Variants in SLC22A9 observed in about 807,000 individuals in gnomAD.
SLC22A9 encodes the protein solute carrier family 22 member 9, also known as organic anion transporter 7.
A neutral mutation model predicts 50.1 loss-of-function variants in SLC22A9; 64 were observed. That is an observed-to-expected ratio of 1.28 (90% CI 1.04 to 1.57). SLC22A9 has a LOEUF of 1.57. Among genes scored for constraint, SLC22A9 ranks in the 40% most tolerant of loss-of-function variants. The probability of loss-of-function intolerance (pLI) is 0.00; values close to 1 mark genes in which losing one functional copy is unlikely to be tolerated. For missense variants in SLC22A9, 757 were observed against 676.1 expected (o/e 1.12, Z -1.33); for synonymous variants, 261 against 242.5 (o/e 1.08, Z -0.71).
intron 6 of SLC22A9, among the ~76,000 whole-genome samples, chr11:63,390,710 T>G (rs2014749057): frequency 6.6e-6 from 1 of 152,130 alleles, no homozygotes; most frequent in Non-Finnish European, 1.5e-5. Context: ...TTAAAGTAGT[T>G]TTTTCTAATT....
chr11:63,382,451 G>A (rs1311735124), intron 6 of SLC22A9, among the ~76,000 whole-genome samples, 174 bp downstream of exon 6: 1 of 152,152 alleles, frequency 6.6e-6, no homozygotes, highest in Non-Finnish European at 1.5e-5. Context: ...AGACTGACAC[G>A]GAATTAATTT....
rs764130791 is a variant in SLC22A9, at chr11:63,371,091, TGA to T, written c.403-42_403-41del. On this transcript the variant is annotated intron_variant, in intron 1 of 9. Transcript: ENST00000279178. Reference sequence around the variant, plus strand: ...CTAAGAAGTTTTGATCAAGTTACACTGAGGGGTAATAAGCATTGATGTGCTGG... The same window carrying T: ...CTAAGAAGTTTTGATCAAGTTACACTGGGGTAATAAGCATTGATGTGCTGG... 4 of 1,418,416 alleles carry T rather than the reference TGA, an allele frequency of 2.8e-6. No individual in the cohort carries two copies. The South Asian group carries it at 4.7e-5, about 17-fold the overall frequency. 87.9% of individuals were successfully genotyped at this position (1,418,416 alleles called of 1,614,324 possible).
At chr11:63,390,156 A>T (rs971624435) in intron 6 of SLC22A9, among the ~76,000 whole-genome samples, 1 of 151,940 alleles carries the variant, frequency 6.6e-6, no homozygotes, top group Non-Finnish European at 1.5e-5. Flanking sequence ...GTTTCTTTTG[A>T]TGTGCAGAAG....
At chr11:63,400,917 A>G (rs1423479572) in intron 6 of SLC22A9, among the ~76,000 whole-genome samples, 1 of 152,170 alleles carries the variant, frequency 6.6e-6, no homozygotes, top group Admixed American at 6.6e-5. Flanking sequence ...AATCATTTCA[A>G]CAGACGCCAA....
chr11:63,389,022 C>T (rs1396486281), intron 6 of SLC22A9, among the ~76,000 whole-genome samples: 1 of 152,044 alleles, frequency 6.6e-6, no homozygotes, highest in East Asian at 1.9e-4. Flanking sequence ...GTTACAATGT[C>T]TCCTTTTTAA....
chr11:63,409,656 A>T, intron 9 of SLC22A9, 146 bp from the exon 10 acceptor site: 1 of 730,682 alleles, frequency 1.4e-6, no homozygotes, highest in Non-Finnish European at 2.2e-6. Context: ...CACAAGGTTT[A>T]CTCAATCCCT....
chr11:63,376,192 T>A (rs1418700830), intron 5 of SLC22A9, among the ~76,000 whole-genome samples: 1 of 152,140 alleles, frequency 6.6e-6, no homozygotes, highest in East Asian at 1.9e-4. Flanking sequence ...GTTCATTCAA[T>A]CATACATTCT....
At chr11:63,382,698 G>A (rs2014587504) in intron 6 of SLC22A9, among the ~76,000 whole-genome samples, 1 of 152,028 alleles carries the variant, frequency 6.6e-6, no homozygotes, top group African/African-American at 2.4e-5. Context: ...AAAATACTAG[G>A]ACATGATCGC....
At chr11:63,389,916 A>T (rs143594051) in intron 6 of SLC22A9, among the ~76,000 whole-genome samples, 2 of 152,142 alleles carry the variant, frequency 1.3e-5, no homozygotes, top group Non-Finnish European at 2.9e-5. Context: ...TTTGATTTAC[A>T]TTTGTCTAAT....
intron 5 of SLC22A9, 49 bp downstream of exon 5, chr11:63,375,817 T>A (rs1485896918): frequency 7.5e-6 from 12 of 1,597,652 alleles, no homozygotes; most frequent in Non-Finnish European, 9.4e-6. Context: ...ACATAACTTG[T>A]CATCAATACT....
Position 63,374,029 on chromosome 11 carries a change from C to A in SLC22A9, c.797C>A (p.Ser266Tyr), listed in dbSNP as rs1355390109. The A allele has an allele frequency of 1.9e-6, 3 of 1,612,016 alleles. No homozygotes were observed. In the South Asian group the frequency reaches 3.3e-5, roughly 18 times the overall value. ...TGGCATATCCTCCAGCTGGTGGTGTCTGTACCATACTTTGTGATCTTTCTG... is the reference window on the plus strand; with the variant it reads ...TGGCATATCCTCCAGCTGGTGGTGTATGTACCATACTTTGTGATCTTTCTG... ...RDWHILQLVV[S>Y]VPYFVIFLTS... is the part of the protein sequence containing the mutation. The change falls in exon 4 of 10, where the codon TCT becomes TAT. Residue 266 changes from serine (S) to tyrosine (Y), a missense_variant. Transcript: ENST00000279178.
At position 63,370,142 on chromosome 11, in the gene SLC22A9, T is replaced by C. The variant is rs1220456350; in HGVS notation, c.86T>C (p.Val29Ala). 1 of 1,614,090 alleles carries C rather than the reference T, an allele frequency of 6.2e-7. No individual in the cohort carries two copies. Among genetic ancestry groups the C allele is most frequent in the Admixed American group, 1.7e-5 (1 of 60,014 alleles). Residue 29 changes from valine to alanine, a missense_variant, in exon 1 of 10, where the codon GTT (valine) becomes GCT (alanine). Coordinates refer to ENST00000279178, the MANE Select transcript of SLC22A9 (RefSeq NM_080866.3). The part of the protein sequence containing the change: ...LQTVFLSIFA[V>A]ATYLHFMLEN... ...ACTGTTTTTCTCTCAATCTTTGCTG[T>C]TGCTACATACCTTCATTTTATGCTG...
intron 9 of SLC22A9, 37 bp downstream of exon 9, chr11:63,408,916 T>C: frequency 6.2e-7 from 1 of 1,606,410 alleles, no homozygotes; most frequent in Non-Finnish European, 8.5e-7. Context: ...AGAGGATCTG[T>C]GTGCTATAGG....
intron 6 of SLC22A9, among the ~76,000 whole-genome samples, chr11:63,390,025 T>A (rs1048764604): frequency 6.6e-6 from 1 of 152,118 alleles, no homozygotes; most frequent in Non-Finnish European, 1.5e-5. Context: ...TTTGATGGGG[T>A]TGTTTTTTCT....
chr11:63,402,875 A>G (rs2120005883), intron 6 of SLC22A9, among the ~76,000 whole-genome samples: 1 of 152,184 alleles, frequency 6.6e-6, no homozygotes, highest in East Asian at 1.9e-4. Flanking sequence ...ATAAACACTA[A>G]CATTTTTAGA....
intron 6 of SLC22A9, among the ~76,000 whole-genome samples, chr11:63,385,633 A>C (rs1326045311): frequency 6.6e-6 from 1 of 152,048 alleles, no homozygotes; most frequent in Non-Finnish European, 1.5e-5. Flanking sequence ...TGATTTCTGC[A>C]TATTGATTTT....
chr11:63,404,926 G>A (rs536320734), intron 6 of SLC22A9, among the ~76,000 whole-genome samples: 1 of 152,182 alleles, frequency 6.6e-6, no homozygotes, highest in Non-Finnish European at 1.5e-5. Context: ...ACAAGAAGAA[G>A]CAAATTCAAA....
rs1200374097 is a variant in SLC22A9 at position 63,370,474 on chromosome 11, C to T, written c.402+16C>T. The T allele has an allele frequency of 6.4e-7, 1 of 1,553,696 alleles. No individual in the cohort carries two copies. The highest frequency in any genetic ancestry group is 8.7e-7 in the Non-Finnish European group (1 of 1,152,876). ...CGTGACTGAGGTAAGAGGCTCTGTT[C>T]TCGTCTCATGAGTATGTGACCTGGG... On this transcript the variant is annotated intron_variant, in intron 1 of 9. Coordinates refer to ENST00000279178, the MANE Select transcript of SLC22A9 (RefSeq NM_080866.3).
rs139829334 is a variant in SLC22A9, at chr11:63,373,899, G to A, written c.667G>A (p.Glu223Lys). 26 of 1,612,734 alleles carry A rather than the reference G, an allele frequency of 1.6e-5. No individual in the cohort carries two copies. The highest frequency in any genetic ancestry group is 1.6e-4 in the Middle Eastern group (1 of 6,070). ...TTATCTGTTTTTTCTTCCAGTAGCC[G>A]AGTGGGCAACACACAGATTCCAGGC... ...LITNTIMLIA[E>K]WATHRFQAMG... The change falls in exon 4 of 10, where the codon GAG (glutamate) becomes AAG (lysine). Residue 223 changes from glutamate (E) to lysine (K), a missense_variant. By Grantham distance (56) the Glu-to-Lys change is moderately conservative (BLOSUM62 1). Transcript: ENST00000279178.
Sources: gnomAD v4.1 joint callset for allele counts (sites outside exome capture counted in the v4.1 genomes callset) on GRCh38, gnomAD v4.1.1 for gene constraint, MANE v1.5 for transcripts, NCBI Gene and HGNC (gene_info 2026-07-23, HGNC 2026-07-21) for gene names.